The following JAZF1 variants were observed in gnomAD, a reference collection of about 807,000 sequenced individuals.
JAZF1 encodes the protein JAZF zinc finger 1.
Under a neutral mutation model 26.4 loss-of-function variants are expected in JAZF1, and 8 were observed. The observed-to-expected ratio is 0.30, with a 90% confidence interval of 0.18 to 0.55. The LOEUF (loss-of-function observed/expected upper bound fraction) is 0.55, where lower values mean the gene tolerates loss of function less well. Ranked by LOEUF, JAZF1 falls within the 20% of genes least tolerant of loss-of-function variation. The probability of loss-of-function intolerance (pLI) is 0.94; values close to 1 mark genes in which losing one functional copy is unlikely to be tolerated. For missense variants in JAZF1, 199 were observed against 322.0 expected (o/e 0.62, Z 2.92); for synonymous variants, 126 against 122.3 (o/e 1.03, Z -0.20).
chr7:28,046,745 A>G (rs2128378764), intron 1 of JAZF1, among the ~76,000 whole-genome samples: 1 of 152,324 alleles, frequency 6.6e-6, no homozygotes, highest in South Asian at 2.1e-4. Context: ...TGAAGTTGAA[A>G]GTATTTTGAT....
intron 1 of JAZF1, among the ~76,000 whole-genome samples, chr7:28,066,705 C>G (rs187429947): frequency 5.0e-4 from 76 of 151,686 alleles, no homozygotes; most frequent in African/African-American, 1.7e-3. Context: ...AAGGTCCCTG[C>G]TTGGAAAAGA....
chr7:27,972,559 T>G (rs1168993421), intron 2 of JAZF1, among the ~76,000 whole-genome samples: 1 of 152,156 alleles, frequency 6.6e-6, no homozygotes, highest in African/African-American at 2.4e-5. Flanking sequence ...AAGGAGGTGA[T>G]ATGACTTAGC....
At chr7:27,990,416 T>C (rs147965449) in intron 2 of JAZF1, among the ~76,000 whole-genome samples, 304 of 139,502 alleles carry the variant, frequency 2.2e-3, no homozygotes, top group African/African-American at 7.5e-3. Context: ...ACATGTACCC[T>C]AGAACTTAAA....
intron 1 of JAZF1, among the ~76,000 whole-genome samples, chr7:28,142,095 A>T (rs1393244482): frequency 2.0e-5 from 3 of 152,232 alleles, no homozygotes; most frequent in African/African-American, 2.4e-5. Context: ...AAATTAATTT[A>T]AAAATATTAG....
At chr7:27,890,594 T>G (rs954789016) in intron 3 of JAZF1, among the ~76,000 whole-genome samples, 3 of 152,144 alleles carry the variant, frequency 2.0e-5, no homozygotes, top group Non-Finnish European at 4.4e-5. Flanking sequence ...TAGACAGACA[T>G]GGATGTGTCA....
At chr7:27,906,279 C>G (rs1333901427) in intron 2 of JAZF1, among the ~76,000 whole-genome samples, 3 of 152,114 alleles carry the variant, frequency 2.0e-5, no homozygotes, top group Non-Finnish European at 4.4e-5. Context: ...CCCCACATGC[C>G]CCAGGCAGAC....
intron 3 of JAZF1, among the ~76,000 whole-genome samples, chr7:27,852,219 C>T (rs1783164643): frequency 6.6e-6 from 1 of 151,918 alleles, no homozygotes; most frequent in African/African-American, 2.4e-5. Context: ...GCAACCTCCA[C>T]CTCCCAGGTT....
rs937433617 is a variant in JAZF1 at position 28,179,435 on chromosome 7, T to C, written c.115+1028A>G. On this transcript the variant is annotated intron_variant, in intron 1 of 4. Coordinates refer to ENST00000283928, the MANE Select transcript of JAZF1 (RefSeq NM_175061.4). ...TGCGGGGCGCCCCCTCCCCGGCGTC[T>C]CCCGGGCCCGGGGCGCTGCGCAGGC... is the stretch of plus-strand genomic sequence containing the variant. Among the ~76,000 whole-genome samples, 1,068 of 151,862 alleles carry C rather than the reference T, an allele frequency of 7.0e-3. 15 individuals carry two copies. Among genetic ancestry groups the C allele is most frequent in the African/African-American group, 0.024 (979 of 41,408 alleles).
chr7:28,087,828 G>T (rs1250449432), intron 1 of JAZF1, among the ~76,000 whole-genome samples: 1 of 152,066 alleles, frequency 6.6e-6, no homozygotes, highest in East Asian at 1.9e-4. Flanking sequence ...CCTTCCTTTT[G>T]TTTTCCTTAA....
At chr7:27,930,192 T>C (rs1335318711) in intron 2 of JAZF1, among the ~76,000 whole-genome samples, 1 of 152,164 alleles carries the variant, frequency 6.6e-6, no homozygotes, top group Non-Finnish European at 1.5e-5. Flanking sequence ...AGACAGGGTT[T>C]CACTGTGTTA....
intron 3 of JAZF1, among the ~76,000 whole-genome samples, chr7:27,876,423 A>G (rs720660): frequency 0.99 from 151,377 of 152,222 alleles, 75,274 homozygotes; most frequent in Middle Eastern, 1. Flanking sequence ...GGGGCATACC[A>G]TCCCTTTCTG....
At chr7:28,044,471 G>C (rs1166973086) in intron 1 of JAZF1, among the ~76,000 whole-genome samples, 1 of 152,186 alleles carries the variant, frequency 6.6e-6, no homozygotes, top group South Asian at 2.1e-4. Flanking sequence ...GCAGGTACAG[G>C]GATGAGTGAT....
chr7:28,053,606 C>T (rs1401110284), intron 1 of JAZF1, among the ~76,000 whole-genome samples: 1 of 152,118 alleles, frequency 6.6e-6, no homozygotes, highest in Non-Finnish European at 1.5e-5. Flanking sequence ...ATAGATAAAA[C>T]AGTATTTTCA....
intron 1 of JAZF1, among the ~76,000 whole-genome samples, chr7:28,098,294 G>T (rs903819009): frequency 2.0e-5 from 3 of 152,026 alleles, no homozygotes; most frequent in African/African-American, 7.3e-5. Context: ...AAGTGAATCG[G>T]CCAGCACCTT....
At chr7:27,940,617 C>T (rs1007197600) in intron 2 of JAZF1, among the ~76,000 whole-genome samples, 5 of 152,186 alleles carry the variant, frequency 3.3e-5, no homozygotes, top group African/African-American at 9.6e-5. Context: ...AACCAGTCCA[C>T]GAGAACGACT....
At chr7:28,006,047 T>C (rs997446837) in intron 1 of JAZF1, among the ~76,000 whole-genome samples, 1 of 152,270 alleles carries the variant, frequency 6.6e-6, no homozygotes, top group South Asian at 2.1e-4. Flanking sequence ...TTAAAAGAGA[T>C]AAGCCATAGA....
chr7:27,833,156 C>T (rs927769718), intron 4 of JAZF1, 180 bp from the exon 5 acceptor site: 7 of 409,314 alleles, frequency 1.7e-5, no homozygotes, highest in Admixed American at 1.2e-4. Flanking sequence ...ATGGGCTGTA[C>T]GGATGGTCAC....
intron 2 of JAZF1, among the ~76,000 whole-genome samples, chr7:27,965,909 G>C (rs1785267365): frequency 6.6e-6 from 1 of 152,152 alleles, no homozygotes; most frequent in Non-Finnish European, 1.5e-5. Context: ...AAAAACACAT[G>C]AGCAATGCAA....
chr7:27,937,599 C>T (rs1410199415), intron 2 of JAZF1, among the ~76,000 whole-genome samples: 1 of 152,074 alleles, frequency 6.6e-6, no homozygotes, highest in Non-Finnish European at 1.5e-5. Flanking sequence ...CACTCAAAAA[C>T]CTGTAGAATA....
Sources: gnomAD v4.1 joint callset for allele counts (sites outside exome capture counted in the v4.1 genomes callset) on GRCh38, gnomAD v4.1.1 for gene constraint, MANE v1.5 for transcripts, NCBI Gene and HGNC (gene_info 2026-07-23, HGNC 2026-07-21) for gene names.